Variants in XKR9 observed in about 807,000 individuals in gnomAD.
XKR9 encodes XK related 9.
In XKR9, 32 loss-of-function variants were observed where a neutral mutation model predicts 32.0. The observed-to-expected ratio is 1.00, with a 90% CI of 0.76 to 1.34. The LOEUF is 1.34. Ranked by LOEUF, XKR9 falls within the 40% of genes most tolerant of loss-of-function variation. The pLI is 0.00. For synonymous variants in XKR9, 168 were observed against 143.4 expected, an observed-to-expected ratio of 1.17 and a Z score of -1.22; for missense variants, 546 against 429.7, an observed-to-expected ratio of 1.27 and a Z score of -2.39.
the XKR9 span, among the ~76,000 whole-genome samples, chr8:71,034,558 C>A: frequency 1.3e-5 from 2 of 152,146 alleles, no homozygotes; most frequent in African/African-American, 4.8e-5. Flanking sequence ...ATGTAAGAAT[C>A]TGATTAGTCT....
At chr8:70,756,977 A>G (rs1300952570) in intron 2 of XKR9, among the ~76,000 whole-genome samples, 1 of 152,168 alleles carries the variant, frequency 6.6e-6, no homozygotes, top group African/African-American at 2.4e-5. Flanking sequence ...TTAACTGTGG[A>G]TATTTATAGA....
chr8:70,749,660 C>T (rs1053670608), intron 2 of XKR9, among the ~76,000 whole-genome samples: 5 of 152,218 alleles, frequency 3.3e-5, no homozygotes, highest in African/African-American at 1.2e-4. Flanking sequence ...CCTTGGCAGG[C>T]ATGGGATCCA....
At chr8:70,943,063 A>C in the XKR9 span, among the ~76,000 whole-genome samples, 12 of 132,502 alleles carry the variant, frequency 9.1e-5, no homozygotes, top group Non-Finnish European at 2.0e-4. Context: ...TATTTTTATT[A>C]GCAAATTAAT....
At chr8:70,739,451 C>A (rs1429669475), downstream of XKR9, among the ~76,000 whole-genome samples, 2 of 152,128 alleles carry the variant, frequency 1.3e-5, no homozygotes, top group Non-Finnish European at 2.9e-5. Flanking sequence ...TTAACTGGAG[C>A]ATTTAGTCCA....
chr8:70,877,218 G>A, the XKR9 span, among the ~76,000 whole-genome samples: 1 of 152,114 alleles, frequency 6.6e-6, no homozygotes, highest in Non-Finnish European at 1.5e-5. Flanking sequence ...CAGTCTGTGG[G>A]AAACTGCCCC....
intron 2 of XKR9, among the ~76,000 whole-genome samples, chr8:70,753,625 A>G (rs138393342): frequency 0.011 from 1,692 of 152,260 alleles, 37 homozygotes; most frequent in Middle Eastern, 0.041. Flanking sequence ...GCAAATCAAG[A>G]AATGTAGTCC....
At chr8:70,848,218 AT>A in the XKR9 span, among the ~76,000 whole-genome samples, 1 of 152,106 alleles carries the variant, frequency 6.6e-6, no homozygotes, top group African/African-American at 2.4e-5. Flanking sequence ...AAGAAATTAT[AT>A]GATTAATTCA....
At chr8:71,014,623 A>G in the XKR9 span, among the ~76,000 whole-genome samples, 209 of 152,312 alleles carry the variant, frequency 1.4e-3, 1 homozygote, top group Admixed American at 4.2e-3. Flanking sequence ...ACTTAGTTAC[A>G]TCTGCAAAGA....
At chr8:70,756,513 A>G (rs978381793) in intron 2 of XKR9, among the ~76,000 whole-genome samples, 29 of 152,164 alleles carry the variant, frequency 1.9e-4, no homozygotes, top group African/African-American at 6.0e-4. Context: ...ATGTTTTTCC[A>G]TTTATTTAGA....
the XKR9 span, among the ~76,000 whole-genome samples, chr8:70,957,629 T>C: frequency 1.3e-4 from 20 of 152,282 alleles, no homozygotes; most frequent in Admixed American, 2.6e-4. Context: ...AGTGAGGACA[T>C]GTGGTATTTG....
chr8:71,001,330 C>T, the XKR9 span, among the ~76,000 whole-genome samples: 5 of 152,116 alleles, frequency 3.3e-5, no homozygotes, highest in Admixed American at 6.6e-5. Flanking sequence ...AGCACCATCA[C>T]GGCTTACTAC....
the XKR9 span, among the ~76,000 whole-genome samples, chr8:71,043,087 T>G: frequency 6.6e-6 from 1 of 152,152 alleles, no homozygotes; most frequent in Non-Finnish European, 1.5e-5. Flanking sequence ...TCCTTAGATC[T>G]CAACCGCTAA....
chr8:71,000,253 G>C, the XKR9 span, among the ~76,000 whole-genome samples: 1 of 152,170 alleles, frequency 6.6e-6, no homozygotes, highest in Non-Finnish European at 1.5e-5. Context: ...TCATTTTTTT[G>C]AGAAATAAAT....
At position 70,726,270 on chromosome 8, in the gene XKR9, G is replaced by T. The variant is rs569082121; in HGVS notation, c.494-7526G>T. ...CAAATATATAGCTCATTTTAAGAAT[G>T]GATGAAACAATGTTGAATACCTTAG... On this transcript the variant is annotated intron_variant, in intron 4 of 4. Coordinates refer to ENST00000408926, the MANE Select transcript of XKR9 (RefSeq NM_001011720.2). Among the ~76,000 whole-genome samples, 19 of 152,272 alleles carry T rather than the reference G, an allele frequency of 1.2e-4. No individual in the cohort carries two copies. In the East Asian group the frequency reaches 3.5e-3, roughly 28 times the overall value.
At chr8:70,783,302 C>T (rs1397782193) in intron 2 of XKR9, among the ~76,000 whole-genome samples, 1 of 151,832 alleles carries the variant, frequency 6.6e-6, no homozygotes, top group Admixed American at 6.6e-5. Flanking sequence ...TCTTGGCTCA[C>T]TGCAAGCTCT....
At chr8:70,686,616 G>T (rs1819289398) in intron 3 of XKR9, among the ~76,000 whole-genome samples, 1 of 151,622 alleles carries the variant, frequency 6.6e-6, no homozygotes, top group East Asian at 1.9e-4. Flanking sequence ...GCTAATTTTT[G>T]TATTTTTCAT....
chr8:71,006,569 A>G, the XKR9 span, among the ~76,000 whole-genome samples: 2 of 152,202 alleles, frequency 1.3e-5, no homozygotes, highest in Non-Finnish European at 2.9e-5. Context: ...TGCAGCACAC[A>G]TGAGGTATAG....
chr8:70,991,867 G>A, the XKR9 span, among the ~76,000 whole-genome samples: 2 of 152,212 alleles, frequency 1.3e-5, no homozygotes, highest in Admixed American at 6.5e-5. Flanking sequence ...TCAGCTTGGT[G>A]TAAAGAAAGT....
At chr8:70,782,946 T>G (rs1177619851) in intron 2 of XKR9, among the ~76,000 whole-genome samples, 2 of 152,124 alleles carry the variant, frequency 1.3e-5, no homozygotes, top group African/African-American at 4.8e-5. Context: ...TACTCAGAAG[T>G]GGGATTGCTG....
Sources: allele counts gnomAD v4.1 joint callset (sites outside exome capture counted in the v4.1 genomes callset), GRCh38; gene constraint gnomAD v4.1.1; transcripts MANE v1.5; gene names NCBI Gene and HGNC (gene_info 2026-07-23, HGNC 2026-07-21).